Variants in ARHGAP15 observed in about 807,000 individuals in gnomAD.
ARHGAP15 encodes rho GTPase-activating protein 15.
Under a neutral mutation model 63.7 loss-of-function variants are expected in ARHGAP15, and 51 were observed. That is an observed-to-expected ratio of 0.80 (90% confidence interval 0.64 to 1.01). The LOEUF (loss-of-function observed/expected upper bound fraction) is 1.01, where lower values mean the gene tolerates loss of function less well. Among genes scored for constraint, ARHGAP15 ranks in the 50% least tolerant of loss-of-function variants. The probability of loss-of-function intolerance (pLI) is 0.00; values close to 1 mark genes in which losing one functional copy is unlikely to be tolerated. For synonymous variants in ARHGAP15, 191 were observed against 193.8 expected (o/e 0.99, Z 0.12); for missense variants, 560 against 564.6 (o/e 0.99, Z 0.08).
At chr2:143,329,178 A>G (rs910282971) in intron 6 of ARHGAP15, among the ~76,000 whole-genome samples, 2 of 152,194 alleles carry the variant, frequency 1.3e-5, no homozygotes, top group African/African-American at 4.8e-5. Flanking sequence ...TATGTCTGTG[A>G]CTAGGTTACA....
rs569425281 is a variant in ARHGAP15 at position 143,754,703 on chromosome 2, G to A, written c.1245-13286G>A. 5.3e-5 allele frequency among the ~76,000 whole-genome samples: 8 copies of A among 152,220 alleles called. No individual in the cohort carries two copies. In the South Asian group the frequency reaches 6.2e-4, roughly 12 times the overall value. On this transcript the variant is annotated intron_variant, in intron 13 of 13. Coordinates refer to ENST00000295095, the MANE Select transcript of ARHGAP15 (RefSeq NM_018460.4). Reference sequence around the variant, plus strand: ...AAGGACCAGGGCCTGGGCCACTTACGTGGGACCTCATCAAAGTCTCACCTT... The same window carrying A: ...AAGGACCAGGGCCTGGGCCACTTACATGGGACCTCATCAAAGTCTCACCTT...
intron 13 of ARHGAP15, among the ~76,000 whole-genome samples, chr2:143,731,999 A>G (rs879519408): frequency 6.6e-6 from 1 of 152,210 alleles, no homozygotes; most frequent in Admixed American, 6.5e-5. Context: ...GCCAGCTTCT[A>G]TGCAAAATTG....
chr2:143,762,330 T>C (rs1686789293), intron 13 of ARHGAP15, among the ~76,000 whole-genome samples: 1 of 152,212 alleles, frequency 6.6e-6, no homozygotes, highest in Admixed American at 6.5e-5. Flanking sequence ...TCTTTTGCCT[T>C]TTGGCCTTTG....
Position 143,603,425 on chromosome 2 carries a change from A to G in ARHGAP15, c.1004-20708A>G, listed in dbSNP as rs570700269. 3.9e-5 allele frequency among the ~76,000 whole-genome samples: 6 copies of G among 152,332 alleles called. No homozygotes were observed. In the South Asian group the frequency reaches 1.2e-3, roughly 32 times the overall value. Reference sequence around the variant, plus strand: ...ACCTGTTTGGACGCAGCTGCAGGCCACCTGTAGAGAAAGTCAAATTAGGGA... The same window carrying G: ...ACCTGTTTGGACGCAGCTGCAGGCCGCCTGTAGAGAAAGTCAAATTAGGGA... On this transcript the variant is annotated intron_variant, in intron 11 of 13. Transcript: ENST00000295095.
At position 143,756,402 on chromosome 2, in the gene ARHGAP15, T is replaced by C. The variant is rs1216672889; in HGVS notation, c.1245-11587T>C. ...TAGTTTTTAAATAGCTATATTGGAC[T>C]AATTCAGGTAGAAAATAATGACAGT... On this transcript the variant is annotated intron_variant, in intron 13 of 13. Transcript: ENST00000295095. 2.0e-5 allele frequency among the ~76,000 whole-genome samples: 3 copies of C among 152,190 alleles called. 1 individual carries two copies. Among genetic ancestry groups the C allele is most frequent in the South Asian group, 4.1e-4 (2 of 4,834 alleles).
intron 6 of ARHGAP15, among the ~76,000 whole-genome samples, chr2:143,323,248 T>G (rs1260462606): frequency 6.6e-6 from 1 of 152,234 alleles, no homozygotes; most frequent in Admixed American, 6.5e-5. Flanking sequence ...TTTGGGCTTC[T>G]AGTGAACCCA....
intron 5 of ARHGAP15, chr2:143,236,004 T>G: frequency 6.5e-7 from 1 of 1,538,996 alleles, no homozygotes; most frequent in Non-Finnish European, 8.8e-7. Flanking sequence ...TTGGCAAATC[T>G]CCATTTTTGG....
intron 6 of ARHGAP15, among the ~76,000 whole-genome samples, chr2:143,329,632 G>A (rs1009511408): frequency 6.6e-6 from 1 of 152,130 alleles, no homozygotes; most frequent in African/African-American, 2.4e-5. Flanking sequence ...GAAATACTGT[G>A]TTTTGAGCTG....
intron 6 of ARHGAP15, among the ~76,000 whole-genome samples, chr2:143,349,663 C>T (rs770156859): frequency 2.0e-5 from 3 of 152,100 alleles, no homozygotes; most frequent in African/African-American, 4.8e-5. Context: ...AGTATGATGA[C>T]ATTGTTAACC....
chr2:143,730,892 TAAAAAAAAAAAAA>T (rs1158246680), intron 13 of ARHGAP15, among the ~76,000 whole-genome samples: 86 of 84,036 alleles, frequency 1.0e-3, no homozygotes, highest in African/African-American at 3.8e-3. Flanking sequence ...AGCACTCCTT[TAAAAAAAAAAAAA>T]AAAAAAAAAA....
At chr2:143,598,310 G>A (rs1697607491) in intron 11 of ARHGAP15, among the ~76,000 whole-genome samples, 1 of 152,106 alleles carries the variant, frequency 6.6e-6, no homozygotes, top group Non-Finnish European at 1.5e-5. Context: ...TCAAATCTTG[G>A]TCAAAAATAG....
intron 11 of ARHGAP15, among the ~76,000 whole-genome samples, chr2:143,615,627 G>A (rs1698424272): frequency 6.6e-6 from 1 of 152,132 alleles, no homozygotes; most frequent in Non-Finnish European, 1.5e-5. Context: ...GGAATTTATA[G>A]GACTTAGTTT....
chr2:143,416,119 T>C (rs1453538224), intron 6 of ARHGAP15, among the ~76,000 whole-genome samples: 1 of 148,362 alleles, frequency 6.7e-6, no homozygotes, highest in African/African-American at 2.5e-5. Context: ...CCCAATAACC[T>C]ATGGAAATAA....
intron 1 of ARHGAP15, among the ~76,000 whole-genome samples, chr2:143,141,102 T>C (rs997269711): frequency 6.6e-6 from 1 of 152,088 alleles, no homozygotes; most frequent in African/African-American, 2.4e-5. Flanking sequence ...CTCCTGACCA[T>C]GATGAGCTGT....
intron 10 of ARHGAP15, among the ~76,000 whole-genome samples, chr2:143,528,591 A>T (rs1038835559): frequency 6.6e-6 from 1 of 152,120 alleles, no homozygotes; most frequent in Non-Finnish European, 1.5e-5. Flanking sequence ...AGAAAAAAAA[A>T]GTTAAACTCT....
intron 11 of ARHGAP15, among the ~76,000 whole-genome samples, chr2:143,618,042 A>G (rs1394565733): frequency 6.6e-6 from 1 of 152,122 alleles, no homozygotes; most frequent in Non-Finnish European, 1.5e-5. Flanking sequence ...TGGAAGGAGG[A>G]GCTTTAGCCA....
chr2:143,142,323 A>G (rs1275158342), intron 1 of ARHGAP15, among the ~76,000 whole-genome samples: 1 of 152,040 alleles, frequency 6.6e-6, no homozygotes, highest in East Asian at 1.9e-4. Flanking sequence ...ATCCCAATAA[A>G]TGTTTAGAGA....
chr2:143,155,789 A>G (rs768726581), intron 2 of ARHGAP15, 134 bp downstream of exon 2: 319 of 843,244 alleles, frequency 3.8e-4, no homozygotes, highest in Non-Finnish European at 4.9e-4. Context: ...AATGCATTTT[A>G]TCTTGCATAC....
intron 1 of ARHGAP15, among the ~76,000 whole-genome samples, chr2:143,133,887 G>C (rs537603840): frequency 6.6e-6 from 1 of 151,944 alleles, no homozygotes; most frequent in Non-Finnish European, 1.5e-5. Context: ...TAACATAACT[G>C]CACGCACCTC....
Sources: allele counts gnomAD v4.1 joint callset (sites outside exome capture counted in the v4.1 genomes callset), GRCh38; gene constraint gnomAD v4.1.1; transcripts MANE v1.5; gene names NCBI Gene and HGNC (gene_info 2026-07-23, HGNC 2026-07-21).